KLHL12: variants seen among roughly 807,000 people sequenced by gnomAD.
KLHL12 encodes kelch like family member 12.
A neutral mutation model predicts 60.8 loss-of-function variants in KLHL12; 17 were observed. The ratio of observed to expected loss-of-function variants is 0.28; its 90% confidence interval spans 0.19 to 0.42. The LOEUF (loss-of-function observed/expected upper bound fraction) is 0.42. KLHL12 is among the 10% of genes least tolerant of loss of function. The pLI is 1.00. For synonymous variants in KLHL12, 220 were observed against 250.9 expected, an observed-to-expected ratio of 0.88 and a Z score of 1.16; for missense variants, 468 against 722.3, an observed-to-expected ratio of 0.65 and a Z score of 4.04.
At chr1:202,894,112 C>T (rs1659757060) in intron 10 of KLHL12, 72 bp downstream of exon 10, 1 of 816,296 alleles carries the variant, frequency 1.2e-6, no homozygotes, top group African/African-American at 1.7e-5. Context: ...CGGTTTGTCC[C>T]ATGCACCACC....
chr1:202,928,138 A>G (rs1977838), upstream of KLHL12, among the ~76,000 whole-genome samples: 32,568 of 150,024 alleles, frequency 0.22, 4,233 homozygotes, highest in East Asian at 0.53. Flanking sequence ...GGCTGGGCGT[A>G]GTGGCGGGCG....
intron 4 of KLHL12, chr1:202,912,281 T>G: frequency 1.1e-6 from 1 of 914,946 alleles, no homozygotes; most frequent in South Asian, 1.3e-5. Flanking sequence ...TTGATGACCA[T>G]GACTCTGTGA....
At chr1:202,921,957 T>C (rs150836202) in intron 2 of KLHL12, among the ~76,000 whole-genome samples, 204 of 152,276 alleles carry the variant, frequency 1.3e-3, no homozygotes, top group African/African-American at 4.5e-3. Context: ...AAAAAACATA[T>C]TAGGTTTTAT....
chr1:202,906,982 A>G (rs1660213754), intron 6 of KLHL12, among the ~76,000 whole-genome samples: 1 of 152,172 alleles, frequency 6.6e-6, no homozygotes, highest in Non-Finnish European at 1.5e-5. Context: ...ATTTTACAAA[A>G]AAGAAAAAAA....
At chr1:202,928,274 CAAA>C (rs368999167), upstream of KLHL12, among the ~76,000 whole-genome samples, 2 of 123,882 alleles carry the variant, frequency 1.6e-5, no homozygotes, top group Non-Finnish European at 3.2e-5. Context: ...GACTCCGTCT[CAAA>C]AAAAAAAAAA....
intron 4 of KLHL12, among the ~76,000 whole-genome samples, chr1:202,915,912 A>C (rs951413032): frequency 2.0e-5 from 3 of 152,266 alleles, no homozygotes; most frequent in Non-Finnish European, 4.4e-5. Flanking sequence ...CTGGGCACAC[A>C]GTAAGTGTTC....
At chr1:202,918,496 G>T in intron 3 of KLHL12, 108 bp from the exon 4 acceptor site, 1 of 810,616 alleles carries the variant, frequency 1.2e-6, no homozygotes, top group Non-Finnish European at 2.0e-6. Context: ...ATGAACCCTT[G>T]TTTCAACACC....
intron 1 of KLHL12, among the ~76,000 whole-genome samples, chr1:202,926,593 C>CG (rs1653569359): frequency 1.3e-5 from 2 of 152,248 alleles, no homozygotes; most frequent in South Asian, 2.1e-4. Flanking sequence ...GAAGACAGCC[C>CG]GGGGGGTCTT....
Position 202,909,646 on chromosome 1 carries a change from T to C in KLHL12, c.718-522A>G, listed in dbSNP as rs1468910832. Reference sequence around the variant, plus strand: ...TTGCCTCCCAACTCACTCTGTACCTTTTTCCACTCTGCTCTCTGGCTCAGA... The same window carrying C: ...TTGCCTCCCAACTCACTCTGTACCTCTTTCCACTCTGCTCTCTGGCTCAGA... On this transcript the variant is annotated intron_variant, in intron 5 of 11. Coordinates refer to ENST00000367261, the MANE Select transcript of KLHL12 (RefSeq NM_021633.4). This position sits in a 1 kb window ranked among gnomAD's most constrained non-coding sequence, Gnocchi z 4.1. Among the ~76,000 whole-genome samples, 3 of 152,156 alleles carry C rather than the reference T, an allele frequency of 2.0e-5. No individual in the cohort carries two copies. The highest frequency in any genetic ancestry group is 2.0e-4 in the Admixed American group (3 of 15,276).
chr1:202,928,031 G>T (rs559743261), upstream of KLHL12, among the ~76,000 whole-genome samples: 672 of 147,834 alleles, frequency 4.5e-3, 2 homozygotes, highest in Non-Finnish European at 5.6e-3. Context: ...TGTAATCCCA[G>T]CACTTTGGGA....
At chr1:202,916,836 C>T (rs1488848907) in intron 4 of KLHL12, among the ~76,000 whole-genome samples, 1 of 151,598 alleles carries the variant, frequency 6.6e-6, no homozygotes, top group Non-Finnish European at 1.5e-5. Context: ...AAAAATTAGC[C>T]CGGTGTGGTG....
chr1:202,921,988 A>G (rs1366370718), intron 2 of KLHL12, among the ~76,000 whole-genome samples: 1 of 152,240 alleles, frequency 6.6e-6, no homozygotes, highest in Non-Finnish European at 1.5e-5. Flanking sequence ...TACAGTACTA[A>G]TATTCATAAA....
At chr1:202,927,908 G>C (rs1283411503), upstream of KLHL12, among the ~76,000 whole-genome samples, 1 of 151,590 alleles carries the variant, frequency 6.6e-6, no homozygotes, top group East Asian at 1.9e-4. Flanking sequence ...CTAGAACCTG[G>C]GAGGCGGAGG....
chr1:202,913,035 T>C (rs2102439673), intron 4 of KLHL12, among the ~76,000 whole-genome samples: 1 of 151,500 alleles, frequency 6.6e-6, no homozygotes, highest in East Asian at 1.9e-4. Context: ...AATGTAATAG[T>C]CTGATGGTGA....
chr1:202,918,103 G>T, intron 4 of KLHL12, 68 bp downstream of exon 4: 2 of 1,139,756 alleles, frequency 1.8e-6, no homozygotes, highest in Non-Finnish European at 2.6e-6. Flanking sequence ...GTAAGTAACT[G>T]CATCCTATTT....
intron 4 of KLHL12, among the ~76,000 whole-genome samples, chr1:202,914,593 C>T (rs1478544544): frequency 2.0e-5 from 3 of 151,990 alleles, no homozygotes; most frequent in East Asian, 3.9e-4. Flanking sequence ...ATGGGCTGGG[C>T]GTGGTGGCTC....
upstream of KLHL12, chr1:202,927,386 CA>C: frequency 1.8e-6 from 1 of 570,360 alleles, no homozygotes; most frequent in Non-Finnish European, 2.2e-6. Flanking sequence ...AGCCGAATTA[CA>C]AAAAGGTCGG....
At chr1:202,910,807 T>A (rs1381473182) in intron 5 of KLHL12, among the ~76,000 whole-genome samples, 1 of 152,148 alleles carries the variant, frequency 6.6e-6, no homozygotes, top group Non-Finnish European at 1.5e-5. Context: ...CTCAGAGGCA[T>A]GTAAAACAGA....
In KLHL12 at chr1:202,895,518, C is replaced by A; in HGVS notation, c.1135+4G>T. ...GAAATAATTGCCCTGCACATCCAGC[C>A]TACCTCCCAGGGTGGTGGCTCCAGC... On this transcript the variant is annotated splice_donor_region_variant and intron_variant, in intron 8 of 11. Transcript: ENST00000367261. This position sits in a 1 kb window ranked among gnomAD's most constrained non-coding sequence, Gnocchi z 4.2. 6.2e-7 allele frequency: 1 copy of A among 1,611,928 alleles called. No homozygotes were observed.
Sources: allele counts gnomAD v4.1 joint callset (sites outside exome capture counted in the v4.1 genomes callset), GRCh38; gene constraint gnomAD v4.1.1; non-coding constraint Gnocchi (gnomAD v3.1); transcripts MANE v1.5; gene names NCBI Gene and HGNC (gene_info 2026-07-23, HGNC 2026-07-21).